The following GMCL1 variants were observed in gnomAD, a reference collection of about 807,000 sequenced individuals.
GMCL1 encodes the protein germ cell-less 1, spermatogenesis associated, also known as germ cell-less protein-like 1.
Under a neutral mutation model 75.5 loss-of-function variants are expected in GMCL1, and 54 were observed. The ratio of observed to expected loss-of-function variants is 0.71; its 90% CI spans 0.57 to 0.90. The LOEUF (loss-of-function observed/expected upper bound fraction) is 0.90. Among genes scored for constraint, GMCL1 ranks in the 40% least tolerant of loss-of-function variants. The pLI is 0.00. For missense variants in GMCL1, 537 were observed against 622.7 expected (o/e 0.86, Z 1.47); for synonymous variants, 210 against 209.6 (o/e 1.00, Z -0.02).
Position 69,854,906 on chromosome 2 carries a change from A to T in GMCL1, c.1018A>T (p.Ile340Phe). 1 of 1,610,876 alleles carries T rather than the reference A, an allele frequency of 6.2e-7. No homozygotes were observed. The highest frequency in any genetic ancestry group is 8.5e-7 in the Non-Finnish European group (1 of 1,177,898). The change falls in exon 9 of 14, where the codon ATC (isoleucine) becomes TTC (phenylalanine). Residue 340 changes from isoleucine (I) to phenylalanine (F), a missense_variant. This residue lies in a region of GMCL1 where 345 missense variants were observed against 410.5 expected (regional missense o/e 0.84). Transcript: ENST00000282570. Reference sequence around the variant, plus strand: ...CAGACATTTAAGGTTACAATATATTATCAGTGATCTGGCTTCTGCAAGAAT... The same window carrying T: ...CAGACATTTAAGGTTACAATATATTTTCAGTGATCTGGCTTCTGCAAGAAT... ...VFRHLRLQYIISDLASARIIE... is the reference protein window; with the variant it reads ...VFRHLRLQYIFSDLASARIIE...
rs1210364922 is a variant in GMCL1, at chr2:69,830,243, G to T, written c.260+91G>T. On this transcript the variant is annotated intron_variant, in intron 1 of 13. Coordinates refer to ENST00000282570, the MANE Select transcript of GMCL1 (RefSeq NM_178439.5). ...GCCTCGTGCGCTTGCGGGGTGCAGC[G>T]CTCCCCAGCCTATGGAGAGGGGACG... 3 of 1,448,882 alleles carry T rather than the reference G, an allele frequency of 2.1e-6. No individual in the cohort carries two copies. In the African/African-American group the frequency reaches 4.2e-5, roughly 20 times the overall value. The allele number at this position is 1,448,882 out of a possible 1,614,324, so 89.8% of individuals were successfully genotyped here. A position where few individuals can be genotyped will look rare whatever the true frequency, so the allele number is the denominator to read the frequency against.
chr2:69,832,560 A>T (rs1304024381), intron 1 of GMCL1, among the ~76,000 whole-genome samples: 1 of 152,198 alleles, frequency 6.6e-6, no homozygotes, highest in Non-Finnish European at 1.5e-5. Flanking sequence ...CTGGGATTGT[A>T]GTGTATCCAT....
chr2:69,840,359 G>A (rs955323048), intron 3 of GMCL1, among the ~76,000 whole-genome samples: 17 of 151,476 alleles, frequency 1.1e-4, no homozygotes, highest in South Asian at 2.1e-4. Flanking sequence ...GCAGTGAGCC[G>A]AGATCGCGCC....
In GMCL1 at chr2:69,844,282, A is replaced by G. The variant is rs918979732; in HGVS notation, c.758+86A>G. Reference sequence around the variant, plus strand: ...AAAGTACATAACATTTTTGTAGAACACAAAAATATATTATGAAAAAGCAAA... The same window carrying G: ...AAAGTACATAACATTTTTGTAGAACGCAAAAATATATTATGAAAAAGCAAA... On this transcript the variant is annotated intron_variant, in intron 6 of 13. Coordinates refer to ENST00000282570, the MANE Select transcript of GMCL1 (RefSeq NM_178439.5). 42 of 720,428 alleles carry G rather than the reference A, an allele frequency of 5.8e-5. 2 individuals are homozygous for G. In the South Asian group the frequency reaches 5.8e-4, roughly 10 times the overall value. 44.6% of individuals were successfully genotyped at this position (720,428 alleles called of 1,614,324 possible). A position where few individuals can be genotyped will look rare whatever the true frequency, so the allele number is the denominator to read the frequency against.
intron 12 of GMCL1, among the ~76,000 whole-genome samples, chr2:69,871,118 A>AC (rs1675969749): frequency 6.6e-6 from 1 of 152,202 alleles, no homozygotes. Flanking sequence ...GGTGGAAGCA[A>AC]CCCACATGTT....
rs182145762 is a variant in GMCL1, at chr2:69,879,063, G to A, written c.*59G>A. 3.6e-4 allele frequency: 414 copies of A among 1,135,818 alleles called. 6 individuals are homozygous for A. In the East Asian group the frequency reaches 9.6e-3, roughly 26 times the overall value. 70.4% of individuals were successfully genotyped at this position (1,135,818 alleles called of 1,614,324 possible). ...AAGATTTCATCAGTTGGAAACAGTAGCACTTTGAAAACTTTTTAGGCCAGC... is the reference window on the plus strand; with the variant it reads ...AAGATTTCATCAGTTGGAAACAGTAACACTTTGAAAACTTTTTAGGCCAGC... On this transcript the variant is annotated 3_prime_UTR_variant, in exon 14 of 14. Transcript: ENST00000282570.
intron 8 of GMCL1, among the ~76,000 whole-genome samples, chr2:69,852,303 C>G (rs548909200): frequency 2.6e-4 from 39 of 152,312 alleles, no homozygotes; most frequent in African/African-American, 8.7e-4. Context: ...TCTGGATTCC[C>G]ACTTGAGGCT....
chr2:69,835,137 A>G (rs200246615), intron 1 of GMCL1, among the ~76,000 whole-genome samples: 5 of 152,106 alleles, frequency 3.3e-5, no homozygotes, highest in South Asian at 2.1e-4. Flanking sequence ...TATTTACTCA[A>G]TTAAAACACC....
Position 69,879,852 on chromosome 2 carries a change from A to G in GMCL1, c.*848A>G, listed in dbSNP as rs1433049989. On this transcript the variant is annotated 3_prime_UTR_variant, in exon 14 of 14. Transcript: ENST00000282570. Reference sequence around the variant, plus strand: ...AGATATTATAGTTTTAAACATTTTAATATTCTCTGATCTTTAGAATTATTT... The same window carrying G: ...AGATATTATAGTTTTAAACATTTTAGTATTCTCTGATCTTTAGAATTATTT... The G allele has an allele frequency of 1.3e-5, 2 of 152,174 alleles. No individual in the cohort carries two copies. Among genetic ancestry groups the G allele is most frequent in the East Asian group, 3.8e-4 (2 of 5,202 alleles). 9.4% of individuals were successfully genotyped at this position (152,174 alleles called of 1,614,324 possible). A position where few individuals can be genotyped will look rare whatever the true frequency, so the allele number is the denominator to read the frequency against.
chr2:69,832,148 G>A (rs746406346), intron 1 of GMCL1, among the ~76,000 whole-genome samples: 2 of 151,872 alleles, frequency 1.3e-5, no homozygotes, highest in Non-Finnish European at 2.9e-5. Context: ...TTGAACCTGG[G>A]AGGCGAGGTT....
intron 11 of GMCL1, 96 bp from the exon 12 acceptor site, chr2:69,869,613 GGGAAATACTT>G: frequency 8.9e-7 from 1 of 1,118,514 alleles, no homozygotes; most frequent in South Asian, 1.5e-5. Context: ...CCACCCATGA[GGGAAATACTT>G]GGAATGAGTT....
intron 1 of GMCL1, among the ~76,000 whole-genome samples, chr2:69,836,291 A>C (rs1030963627): frequency 1.3e-5 from 2 of 152,114 alleles, no homozygotes; most frequent in African/African-American, 4.8e-5. Flanking sequence ...TCAAGTGATG[A>C]GCCTACCCTC....
intron 3 of GMCL1, among the ~76,000 whole-genome samples, chr2:69,839,856 A>G (rs1674933127): frequency 6.6e-6 from 1 of 152,098 alleles, no homozygotes; most frequent in East Asian, 1.9e-4. Flanking sequence ...TTAATTACAT[A>G]GAAAATCTGA....
chr2:69,830,189 G>A lies in GMCL1; in HGVS notation c.260+37G>A, dbSNP rs1220536506. 3.9e-6 allele frequency: 6 copies of A among 1,538,556 alleles called. No homozygotes were observed. The East Asian group carries it at 7.3e-5, about 19-fold the overall frequency. The stretch of plus-strand genomic sequence containing the variant: ...CACGCACCCGCGCGGACCCGGACCC[G>A]CACCTGTTGGGCCTGGGGCCGAGCC... On this transcript the variant is annotated intron_variant, in intron 1 of 13. Coordinates refer to ENST00000282570, the MANE Select transcript of GMCL1 (RefSeq NM_178439.5).
At position 69,868,988 on chromosome 2, in the gene GMCL1, A is replaced by C. The variant is rs537101717; in HGVS notation, c.1219-731A>C. Among the ~76,000 whole-genome samples, 28 of 151,156 alleles carry C rather than the reference A, an allele frequency of 1.9e-4. No homozygotes were observed. The East Asian group carries it at 5.5e-3, about 30-fold the overall frequency. On this transcript the variant is annotated intron_variant, in intron 11 of 13. Transcript: ENST00000282570. Reference sequence around the variant, plus strand: ...AAAAAAAGGCCGGGCACAGTGGCTTACACTTTGTAGTCCCAGCACTTTGGG... The same window carrying C: ...AAAAAAAGGCCGGGCACAGTGGCTTCCACTTTGTAGTCCCAGCACTTTGGG...
chr2:69,881,103 A>G lies in GMCL1; in HGVS notation c.*2099A>G, dbSNP rs1676263930. On this transcript the variant is annotated 3_prime_UTR_variant, in exon 14 of 14. Coordinates refer to ENST00000282570, the MANE Select transcript of GMCL1 (RefSeq NM_178439.5). ...GTTAACTGTTTCATTTCACTTACATAAGTTAACTGGCCAAATTGGATTTAT... is the reference window on the plus strand; with the variant it reads ...GTTAACTGTTTCATTTCACTTACATGAGTTAACTGGCCAAATTGGATTTAT... The G allele has an allele frequency of 6.6e-6, 1 of 152,236 alleles. No homozygotes were observed. The highest frequency in any genetic ancestry group is 2.1e-4 in the South Asian group (1 of 4,836). 9.4% of individuals were successfully genotyped at this position (152,236 alleles called of 1,614,324 possible).
chr2:69,842,990 T>TAAA (rs75708775), intron 4 of GMCL1, 159 bp from the exon 5 acceptor site: 236 of 213,602 alleles, frequency 1.1e-3, no homozygotes, highest in Middle Eastern at 3.3e-3. Flanking sequence ...TTGGACTTGT[T>TAAA]AAAAAAAAAA....
chr2:69,842,871 G>C (rs1675022356), intron 4 of GMCL1: 1 of 193,838 alleles, frequency 5.2e-6, no homozygotes, highest in South Asian at 1.4e-4. Context: ...GAATAGAAAA[G>C]AAAAAGAATA....
At position 69,871,784 on chromosome 2, in the gene GMCL1, A is replaced by C; in HGVS notation, c.1404A>C (p.Ile468=). ...LASFDSSGKL[I]CSRTTGYQIL... is the part of the protein sequence containing the mutation. ...CTTTTGATAGTAGTGGAAAACTAAT[A>C]TGTAGTAGAACAACTGGCTATCAAA... Residue 468 remains isoleucine, a synonymous_variant, in exon 13 of 14, where the codon ATA becomes ATC. Transcript: ENST00000282570. 1 of 1,592,942 alleles carries C rather than the reference A, an allele frequency of 6.3e-7. No homozygotes were observed. Among genetic ancestry groups the C allele is most frequent in the East Asian group, 2.2e-5 (1 of 44,548 alleles).
Sources: gnomAD v4.1 joint callset for allele counts (sites outside exome capture counted in the v4.1 genomes callset) on GRCh38, gnomAD v4.1.1 for gene constraint, gnomAD v4.1.1 regional missense constraint, MANE v1.5 for transcripts, NCBI Gene and HGNC (gene_info 2026-07-23, HGNC 2026-07-21) for gene names.